Variants in DEAF1 observed in about 807,000 individuals in gnomAD.
The protein encoded by DEAF1 is deformed epidermal autoregulatory factor 1 homolog.
Under a neutral mutation model 58.9 loss-of-function variants are expected in DEAF1, and 53 were observed. That is an observed-to-expected ratio of 0.90 (90% CI 0.72 to 1.13). The LOEUF (loss-of-function observed/expected upper bound fraction) is 1.13, where lower values mean the gene tolerates loss of function less well. Ranked by LOEUF, DEAF1 falls within the 50% of genes most tolerant of loss-of-function variation. DEAF1 has a pLI of 0.00. For synonymous variants in DEAF1, 385 were observed against 340.4 expected, an observed-to-expected ratio of 1.13 and a Z score of -1.44; for missense variants, 685 against 791.4, an observed-to-expected ratio of 0.87 and a Z score of 1.61.
Position 695,100 on chromosome 11 carries a change from C to G in DEAF1, c.-53G>C. The stretch of plus-strand genomic sequence containing the variant: ...CGCCGTCCGGGACCGCCCGAAGCGC[C>G]GGTCGCGGAGCCCGAAGCGGGGCCC... On this transcript the variant is annotated 5_prime_UTR_variant, in exon 1 of 12. Coordinates refer to ENST00000382409, the MANE Select transcript of DEAF1 (RefSeq NM_021008.4). 1 of 1,396,434 alleles carries G rather than the reference C, an allele frequency of 7.2e-7. No individual in the cohort carries two copies. The highest frequency in any genetic ancestry group is 3.2e-5 in the East Asian group (1 of 31,538). The allele number at this position is 1,396,434 out of a possible 1,614,324, so 86.5% of individuals were successfully genotyped here. A position where few individuals can be genotyped will look rare whatever the true frequency, so the allele number is the denominator to read the frequency against.
At chr11:704,262 C>A in intron 1 of DEAF1, 1 of 727,992 alleles carries the variant, frequency 1.4e-6, no homozygotes, top group Non-Finnish European at 1.9e-6. Context: ...GCGCCTTCCG[C>A]TCGGTGGACT....
At chr11:658,194 T>C (rs4963173) in intron 10 of DEAF1, among the ~76,000 whole-genome samples, 110,557 of 152,152 alleles carry the variant, frequency 0.73, 40,665 homozygotes, top group East Asian at 0.93. Flanking sequence ...TTTGGGAGGC[T>C]GAGGCAGGCG....
chr11:700,118 T>G, upstream of DEAF1: 1 of 1,608,574 alleles, frequency 6.2e-7, no homozygotes, highest in Non-Finnish European at 8.5e-7. Context: ...CTGTTGAGCT[T>G]GAGGATCCTT....
chr11:705,793 T>G (rs1224074098), intron 1 of DEAF1, among the ~76,000 whole-genome samples: 1 of 152,094 alleles, frequency 6.6e-6, no homozygotes. Context: ...TCCCCAGCAA[T>G]GCGCCAGCGC....
Position 688,338 on chromosome 11 carries a change from G to A in DEAF1, c.510C>T (p.Leu170=), listed in dbSNP as rs375575398. The change falls in exon 3 of 12, where the codon CTC becomes CTT. Residue 170 remains leucine, a synonymous_variant. Coordinates refer to ENST00000382409, the MANE Select transcript of DEAF1 (RefSeq NM_021008.4). The surrounding 1 kb of genome is among the most constrained non-coding windows in gnomAD (Gnocchi z 4.3). ...TTGLKGPAAP[L]TPGPQSPPTP... The stretch of plus-strand genomic sequence containing the variant: ...GTGCAGGCACCGCTGTACCTGGGGT[G>A]AGGGGAGCTGCCGGGCCTTTCAGCC... The A allele has an allele frequency of 1.2e-6, 2 of 1,613,712 alleles. No homozygotes were observed. Among genetic ancestry groups the A allele is most frequent in the East Asian group, 2.2e-5 (1 of 44,890 alleles).
At chr11:685,082 C>CTTTT (rs55670454) in intron 5 of DEAF1, 119 bp from the exon 6 acceptor site, 3,599 of 355,038 alleles carry the variant, frequency 0.01, 14 homozygotes, top group East Asian at 0.022. Flanking sequence ...TATAAAAATT[C>CTTTT]TTTTTTTTTT....
At chr11:702,794 C>T in intron 1 of DEAF1, 1 of 713,974 alleles carries the variant, frequency 1.4e-6, no homozygotes, top group East Asian at 2.8e-5. Context: ...TCTGGGTGGC[C>T]ATGGAGGCTG....
chr11:682,538 G>T (rs1368718809), intron 6 of DEAF1, among the ~76,000 whole-genome samples: 2 of 152,182 alleles, frequency 1.3e-5, no homozygotes, highest in African/African-American at 4.8e-5. Flanking sequence ...TTTGGGAGGG[G>T]CTTTGGAGCT....
chr11:673,190 AAAT>A (rs1164392012), intron 10 of DEAF1, among the ~76,000 whole-genome samples: 5 of 152,186 alleles, frequency 3.3e-5, no homozygotes, highest in African/African-American at 1.2e-4. Flanking sequence ...GCTGAAAAAA[AAAT>A]AATGATAATA....
At chr11:698,365 G>A (rs1278685054), upstream of DEAF1, among the ~76,000 whole-genome samples, 4 of 152,200 alleles carry the variant, frequency 2.6e-5, no homozygotes, top group South Asian at 2.1e-4. Flanking sequence ...CTGCATTGCT[G>A]GTTTGGAAAA....
At chr11:686,711 C>T in intron 5 of DEAF1, 147 bp downstream of exon 5, 3 of 1,053,408 alleles carry the variant, frequency 2.8e-6, no homozygotes, top group Non-Finnish European at 4.2e-6. Context: ...GGGTAAATCA[C>T]TCGCCCAAGG....
At chr11:648,405 C>A (rs1191383383) in intron 11 of DEAF1, among the ~76,000 whole-genome samples, 2 of 152,052 alleles carry the variant, frequency 1.3e-5, no homozygotes, top group Non-Finnish European at 2.9e-5. Context: ...CCATGTTAGC[C>A]AGGATGGTCT....
intron 10 of DEAF1, among the ~76,000 whole-genome samples, chr11:656,734 C>G (rs1859072258): frequency 6.6e-6 from 1 of 152,232 alleles, no homozygotes; most frequent in Non-Finnish European, 1.5e-5. Flanking sequence ...TACTTGCCCC[C>G]CAGCATAGTT....
At chr11:680,103 A>G (rs1391260675) in intron 7 of DEAF1, 8 of 480,864 alleles carry the variant, frequency 1.7e-5, no homozygotes, top group Non-Finnish European at 2.7e-5. Context: ...AACATAAAAT[A>G]AAACTTTCAG....
At chr11:654,255 G>A (rs1858941303) in intron 10 of DEAF1, among the ~76,000 whole-genome samples, 1 of 138,186 alleles carries the variant, frequency 7.2e-6, no homozygotes, top group African/African-American at 2.9e-5. Flanking sequence ...TGCAACTTCC[G>A]CCTCCTGGGT....
chr11:699,848 G>A (rs980085020), upstream of DEAF1: 13 of 359,866 alleles, frequency 3.6e-5, no homozygotes, highest in Non-Finnish European at 6.6e-5. Context: ...AGTGTGTGGA[G>A]GCTGTCCCCT....
Position 691,539 on chromosome 11 carries a change from A to T in DEAF1, c.349T>A (p.Ser117Thr), listed in dbSNP as rs1698708771. Residue 117 changes from serine (S) to threonine (T), a missense_variant, in exon 2 of 12, where the codon TCT becomes ACT. By Grantham distance (58) the Ser-to-Thr change is moderately conservative (BLOSUM62 1). Coordinates refer to ENST00000382409, the MANE Select transcript of DEAF1 (RefSeq NM_021008.4). ...GAAADNVFTTSVANAASISGH... is the reference protein window; with the variant it reads ...GAAADNVFTTTVANAASISGH... Reference sequence around the variant, plus strand: ...GAGATGGATGCCGCGTTCGCCACAGACGTGGTGAAGACATTGTCTGCAGCA... The same window carrying T: ...GAGATGGATGCCGCGTTCGCCACAGTCGTGGTGAAGACATTGTCTGCAGCA... 1 of 1,613,678 alleles carries T rather than the reference A, an allele frequency of 6.2e-7. No individual in the cohort carries two copies. The highest frequency in any genetic ancestry group is 8.5e-7 in the Non-Finnish European group (1 of 1,180,000).
At chr11:657,676 G>T (rs12281096) in intron 10 of DEAF1, among the ~76,000 whole-genome samples, 1 of 152,136 alleles carries the variant, frequency 6.6e-6, no homozygotes, top group Non-Finnish European at 1.5e-5. Context: ...ATGTCACTTG[G>T]ATGTCAGGGA....
At chr11:655,625 C>A (rs1564926857) in intron 10 of DEAF1, among the ~76,000 whole-genome samples, 3 of 152,232 alleles carry the variant, frequency 2.0e-5, no homozygotes, top group Non-Finnish European at 4.4e-5. Context: ...TCCAGCGCGG[C>A]CCCACGGCCC....
Sources: allele counts gnomAD v4.1 joint callset (sites outside exome capture counted in the v4.1 genomes callset), GRCh38; gene constraint gnomAD v4.1.1; non-coding constraint Gnocchi (gnomAD v3.1); transcripts MANE v1.5; gene names NCBI Gene and HGNC (gene_info 2026-07-23, HGNC 2026-07-21).